NSL1: variants seen among roughly 807,000 people sequenced by gnomAD.
The protein encoded by NSL1 is NSL1 component of MIS12 kinetochore complex.
NSL1 carries 11 observed loss-of-function variants against 25.4 expected under a neutral mutation model. The observed-to-expected ratio is 0.43, with a 90% CI of 0.27 to 0.72. The LOEUF (loss-of-function observed/expected upper bound fraction) is 0.72. NSL1 is among the 30% of genes least tolerant of loss of function. The pLI, the probability that NSL1 is intolerant of heterozygous loss-of-function variation, is 0.19. For synonymous variants in NSL1, 118 were observed against 120.6 expected (o/e 0.98, Z 0.14); for missense variants, 330 against 342.7 (o/e 0.96, Z 0.29).
In NSL1 at chr1:212,760,122, C is replaced by T. The variant is rs1659492564; in HGVS notation, c.500-20521G>A. ...TGTCCAGGGCCTGGGGATTGACCTG[C>T]CCCGCCAGCTGCTTCTGGGGCACAC... On this transcript the variant is annotated intron_variant, in intron 4 of 5. Coordinates refer to ENST00000366977, the MANE Select transcript of NSL1 (RefSeq NM_015471.4). The surrounding 1 kb of genome is among the most constrained non-coding windows in gnomAD (Gnocchi z 4.3). Among the ~76,000 whole-genome samples the T allele has an allele frequency of 6.6e-6, 1 of 151,804 alleles. No homozygotes were observed. Among genetic ancestry groups the T allele is most frequent in the South Asian group, 2.1e-4 (1 of 4,808 alleles).
chr1:212,733,500 C>G lies in NSL1; in HGVS notation c.*4908G>C, dbSNP rs1658112888. Among the ~76,000 whole-genome samples the G allele has an allele frequency of 6.6e-6, 1 of 150,950 alleles. No homozygotes were observed. Among genetic ancestry groups the G allele is most frequent in the Admixed American group, 6.6e-5 (1 of 15,174 alleles). ...TTCCTATTCCTTCCACCCTCTCCAT[C>G]TTTCCAGCCTTAGGCAGTGACAGAT... is the stretch of plus-strand genomic sequence containing the variant. On this transcript the variant is annotated 3_prime_UTR_variant, in exon 6 of 6. Transcript: ENST00000366977.
chr1:212,745,160 CTATATATATATATATATATATATA>C (rs59293969), intron 4 of NSL1, among the ~76,000 whole-genome samples: 10 of 117,686 alleles, frequency 8.5e-5, no homozygotes, highest in African/African-American at 4.1e-4. Flanking sequence ...AACAAACAAA[CTATATATATATATATATATATATA>C]TATATATATA....
In NSL1 at chr1:212,736,402, A is replaced by T. The variant is rs11800642; in HGVS notation, c.*2006T>A. 1.0e-6 allele frequency: 1 copy of T among 984,870 alleles called. No homozygotes were observed. Among genetic ancestry groups the T allele is most frequent in the Non-Finnish European group, 1.2e-6 (1 of 829,592 alleles). 61.0% of individuals were successfully genotyped at this position (984,870 alleles called of 1,614,324 possible). A position where few individuals can be genotyped will look rare whatever the true frequency, so the allele number is the denominator to read the frequency against. On this transcript the variant is annotated 3_prime_UTR_variant, in exon 6 of 6. Coordinates refer to ENST00000366977, the MANE Select transcript of NSL1 (RefSeq NM_015471.4). Reference sequence around the variant, plus strand: ...ATCATAGAGCAAGATTTGATTTTCAATTTTTTCCTTCAACCTTTCCAATTC... The same window carrying T: ...ATCATAGAGCAAGATTTGATTTTCATTTTTTTCCTTCAACCTTTCCAATTC...
At chr1:212,739,746 A>C (rs780720224) in intron 4 of NSL1, 145 bp from the exon 5 acceptor site, 28 of 681,534 alleles carry the variant, frequency 4.1e-5, no homozygotes, top group Non-Finnish European at 6.2e-5. Flanking sequence ...TCTTTCTCAG[A>C]GTGAGACCAT....
At chr1:212,787,513 G>T in intron 2 of NSL1, 46 bp downstream of exon 2, 1 of 1,414,362 alleles carries the variant, frequency 7.1e-7, no homozygotes, top group Non-Finnish European at 9.7e-7. Flanking sequence ...AAAATTAGCT[G>T]CAAAAATAAC....
intron 4 of NSL1, among the ~76,000 whole-genome samples, chr1:212,755,370 G>A (rs1659255566): frequency 6.6e-6 from 1 of 152,020 alleles, no homozygotes; most frequent in South Asian, 2.1e-4. Flanking sequence ...ATATGGAGAT[G>A]TTAATGGAAG....
chr1:212,754,664 C>T (rs942563960), intron 4 of NSL1, among the ~76,000 whole-genome samples: 2 of 149,282 alleles, frequency 1.3e-5, no homozygotes, highest in African/African-American at 4.9e-5. Context: ...GTAATCCCAG[C>T]TACTCAGGAG....
In NSL1 at chr1:212,733,080, T is replaced by G. The variant is rs1409800626; in HGVS notation, c.*5328A>C. Among the ~76,000 whole-genome samples the G allele has an allele frequency of 6.6e-6, 1 of 152,138 alleles. No homozygotes were observed. Among genetic ancestry groups the G allele is most frequent in the African/African-American group, 2.4e-5 (1 of 41,412 alleles). On this transcript the variant is annotated 3_prime_UTR_variant, in exon 6 of 6. Transcript: ENST00000366977. ...TTTAAACTGTATTGTTCAATGGTTTTCAGTATATTCAACAAGCAGTCGTGA... is the reference window on the plus strand; with the variant it reads ...TTTAAACTGTATTGTTCAATGGTTTGCAGTATATTCAACAAGCAGTCGTGA...
In NSL1 at chr1:212,735,174, A is replaced by C. The variant is rs574122374; in HGVS notation, c.*3234T>G. On this transcript the variant is annotated 3_prime_UTR_variant, in exon 6 of 6. Coordinates refer to ENST00000366977, the MANE Select transcript of NSL1 (RefSeq NM_015471.4). ...ATCTGGCTCAGAGACTATGCTCTTT[A>C]AGATCTCTGACTTTTGATCATAGAC... 1 of 392,712 alleles carries C rather than the reference A, an allele frequency of 2.5e-6. No homozygotes were observed. Among genetic ancestry groups the C allele is most frequent in the Non-Finnish European group, 3.5e-6 (1 of 288,366 alleles). The allele number at this position is 392,712 out of a possible 1,614,324, so 24.3% of individuals were successfully genotyped here. A position where few individuals can be genotyped will look rare whatever the true frequency, so the allele number is the denominator to read the frequency against.
rs1363774858 is a variant in NSL1, at chr1:212,727,681, G to A, written c.*10727C>T. 1 of 985,050 alleles carries A rather than the reference G, an allele frequency of 1.0e-6. No individual in the cohort carries two copies. Among genetic ancestry groups the A allele is most frequent in the African/African-American group, 1.7e-5 (1 of 57,202 alleles). The allele number at this position is 985,050 out of a possible 1,614,324, so 61.0% of individuals were successfully genotyped here. A position where few individuals can be genotyped will look rare whatever the true frequency, so the allele number is the denominator to read the frequency against. Reference sequence around the variant, plus strand: ...TAATCCTGAACAATCAGGACTGTTAGCTTCCCACGATGAAAGAATGACTAG... The same window carrying A: ...TAATCCTGAACAATCAGGACTGTTAACTTCCCACGATGAAAGAATGACTAG... On this transcript the variant is annotated 3_prime_UTR_variant, in exon 6 of 6. Coordinates refer to ENST00000366977, the MANE Select transcript of NSL1 (RefSeq NM_015471.4).
rs1219837511 is a variant in NSL1, at chr1:212,787,749, G to A, written c.235-112C>T. The stretch of plus-strand genomic sequence containing the variant: ...TGTGACAGAGGAAATAAAAGTAGCA[G>A]AATAGCTAATTAGTATATCTATTCT... On this transcript the variant is annotated intron_variant, in intron 1 of 5. Transcript: ENST00000366977. 5 of 595,406 alleles carry A rather than the reference G, an allele frequency of 8.4e-6. No homozygotes were observed. The East Asian group carries it at 1.6e-4, about 19-fold the overall frequency. The allele number at this position is 595,406 out of a possible 1,614,324, so 36.9% of individuals were successfully genotyped here.
At chr1:212,781,254 GT>G (rs879729049) in intron 4 of NSL1, among the ~76,000 whole-genome samples, 1 of 152,180 alleles carries the variant, frequency 6.6e-6, no homozygotes, top group Admixed American at 6.5e-5. Flanking sequence ...CATTAACTAA[GT>G]GTGTTTTCCC....
intron 4 of NSL1, among the ~76,000 whole-genome samples, chr1:212,768,755 A>G (rs1029312838): frequency 6.6e-6 from 1 of 152,178 alleles, no homozygotes; most frequent in Non-Finnish European, 1.5e-5. Flanking sequence ...ATAAAAGACT[A>G]CATTTTGGGT....
Position 212,734,715 on chromosome 1 carries a change from A to G in NSL1, c.*3693T>C, listed in dbSNP as rs1460444131. On this transcript the variant is annotated 3_prime_UTR_variant, in exon 6 of 6. Coordinates refer to ENST00000366977, the MANE Select transcript of NSL1 (RefSeq NM_015471.4). ...ACAGTAATTTGTTCTTTATTCCTGT[A>G]TTCCTTCCCTGATTATTTGCCTAAA... is the stretch of plus-strand genomic sequence containing the variant. 6.6e-6 allele frequency among the ~76,000 whole-genome samples: 1 copy of G among 152,102 alleles called. No individual in the cohort carries two copies. Among genetic ancestry groups the G allele is most frequent in the Non-Finnish European group, 1.5e-5 (1 of 68,020 alleles).
Position 212,736,540 on chromosome 1 carries a change from T to G in NSL1, c.*1868A>C. 1 of 984,422 alleles carries G rather than the reference T, an allele frequency of 1.0e-6. No individual in the cohort carries two copies. The highest frequency in any genetic ancestry group is 1.2e-6 in the Non-Finnish European group (1 of 828,990). 61.0% of individuals were successfully genotyped at this position (984,422 alleles called of 1,614,324 possible). A position where few individuals can be genotyped will look rare whatever the true frequency, so the allele number is the denominator to read the frequency against. ...TACTTATTCAATATTATTACTGCTA[T>G]TGGTCATGCTTTTCTTAGTTAATAA... On this transcript the variant is annotated 3_prime_UTR_variant, in exon 6 of 6. Coordinates refer to ENST00000366977, the MANE Select transcript of NSL1 (RefSeq NM_015471.4).
intron 1 of NSL1, among the ~76,000 whole-genome samples, chr1:212,788,767 G>A (rs545584269): frequency 2.4e-4 from 37 of 152,298 alleles, no homozygotes; most frequent in Non-Finnish European, 3.7e-4. Flanking sequence ...AAAATTAGAA[G>A]AGTTAAATAG....
At chr1:212,759,923 CA>C (rs1400105375) in intron 4 of NSL1, among the ~76,000 whole-genome samples, 6 of 152,336 alleles carry the variant, frequency 3.9e-5, no homozygotes, top group Admixed American at 1.3e-4. Context: ...GGCCACCCAG[CA>C]GCAAGGCTAC....
At chr1:212,782,036 A>G (rs1364106486) in intron 4 of NSL1, 3 of 562,226 alleles carry the variant, frequency 5.3e-6, no homozygotes, top group South Asian at 4.2e-5. Context: ...ATGCTTTAAT[A>G]GTATAGCTTT....
chr1:212,787,843 C>T (rs1661007868), intron 1 of NSL1, among the ~76,000 whole-genome samples: 1 of 151,424 alleles, frequency 6.6e-6, no homozygotes, highest in Non-Finnish European at 1.5e-5. Flanking sequence ...ATTATGCTAC[C>T]CAAGAGAAAA....
Sources: allele counts gnomAD v4.1 joint callset (sites outside exome capture counted in the v4.1 genomes callset), GRCh38; gene constraint gnomAD v4.1.1; non-coding constraint Gnocchi (gnomAD v3.1); transcripts MANE v1.5; gene names NCBI Gene and HGNC (gene_info 2026-07-23, HGNC 2026-07-21).